The following EFL1 variants were observed in gnomAD, a reference collection of about 807,000 sequenced individuals.
EFL1 encodes the protein elongation factor-like GTPase 1.
A neutral mutation model predicts 126.7 loss-of-function variants in EFL1; 76 were observed. The observed-to-expected ratio is 0.60, with a 90% CI of 0.50 to 0.73. EFL1 has a LOEUF of 0.73. EFL1 is among the 30% of genes least tolerant of loss of function. The pLI is 0.00. For synonymous variants in EFL1, 410 were observed against 448.4 expected (o/e 0.91, Z 1.08); for missense variants, 1,128 against 1,343.2 (o/e 0.84, Z 2.50).
chr15:82,157,851 G>T lies in EFL1; in HGVS notation c.1892C>A (p.Pro631His). ...CAGTTTCATTCCTTTTACGAGCTGA[G>T]GCATTTCACCTAGGTTAACAAAACG... ...AVEPKHPSEM[P>H]QLVKGMKLLN... Residue 631 changes from proline to histidine, a missense_variant, in exon 17 of 20, where the codon CCT becomes CAT. Transcript: ENST00000268206. 6.2e-7 allele frequency: 1 copy of T among 1,612,520 alleles called. No individual in the cohort carries two copies. The highest frequency in any genetic ancestry group is 8.5e-7 in the Non-Finnish European group (1 of 1,179,078).
At chr15:82,181,356 CTA>C (rs2074249599) in intron 15 of EFL1, among the ~76,000 whole-genome samples, 1 of 152,160 alleles carries the variant, frequency 6.6e-6, no homozygotes, top group South Asian at 2.1e-4. Flanking sequence ...AACTTTGTGA[CTA>C]TACTTGACAT....
intron 3 of EFL1, among the ~76,000 whole-genome samples, chr15:82,254,774 T>C (rs556062967): frequency 9.6e-4 from 146 of 152,194 alleles, no homozygotes; most frequent in Non-Finnish European, 1.7e-3. Context: ...CATTCGTCCA[T>C]TGTAGAGAAT....
At chr15:82,161,554 T>C (rs143696537) in intron 16 of EFL1, among the ~76,000 whole-genome samples, 43 of 152,234 alleles carry the variant, frequency 2.8e-4, no homozygotes, top group African/African-American at 1.0e-3. Context: ...AGTAACACAG[T>C]CAATAAATGC....
At chr15:82,165,155 G>A (rs1426012667) in intron 15 of EFL1, among the ~76,000 whole-genome samples, 1 of 152,056 alleles carries the variant, frequency 6.6e-6, no homozygotes, top group African/African-American at 2.4e-5. Flanking sequence ...TATAGTCCCA[G>A]GTACTTGAGA....
intron 3 of EFL1, among the ~76,000 whole-genome samples, chr15:82,256,484 A>G (rs766430010): frequency 8.5e-5 from 13 of 152,160 alleles, no homozygotes; most frequent in Non-Finnish European, 1.6e-4. Flanking sequence ...TTATCACTGC[A>G]ACTAGAACCT....
At position 82,180,379 on chromosome 15, in the gene EFL1, A is replaced by C. The variant is rs1019077879; in HGVS notation, c.1751-16395T>G. ...ACTGGCAAAAAAAAAAAAACAAAAA[A>C]AAAACAAACAAAAAAAACCAGCCAA... On this transcript the variant is annotated intron_variant, in intron 15 of 19. Coordinates refer to ENST00000268206, the MANE Select transcript of EFL1 (RefSeq NM_024580.6). 3.1e-5 allele frequency among the ~76,000 whole-genome samples: 4 copies of C among 129,946 alleles called. 1 individual carries two copies. The highest frequency in any genetic ancestry group is 1.4e-4 in the African/African-American group (4 of 29,396). The allele number at this position is 129,946 out of a possible 152,430, so 85.2% of individuals were successfully genotyped here. A position where few individuals can be genotyped will look rare whatever the true frequency, so the allele number is the denominator to read the frequency against.
intron 15 of EFL1, among the ~76,000 whole-genome samples, chr15:82,210,505 G>A (rs1031702673): frequency 6.6e-6 from 1 of 152,162 alleles, no homozygotes; most frequent in African/African-American, 2.4e-5. Context: ...CATCAGCCCC[G>A]AGACATGTGC....
At chr15:82,233,552 G>T (rs1046510540) in intron 7 of EFL1, 2 of 152,144 alleles carry the variant, frequency 1.3e-5, no homozygotes, top group African/African-American at 4.8e-5. Context: ...ACAAAGACAA[G>T]TAAATCTATT....
At position 82,220,112 on chromosome 15, in the gene EFL1, G is replaced by A; in HGVS notation, c.1410C>T (p.Ala470=). 6.2e-7 allele frequency: 1 copy of A among 1,612,938 alleles called. No individual in the cohort carries two copies. Among genetic ancestry groups the A allele is most frequent in the East Asian group, 2.2e-5 (1 of 44,858 alleles). ...CCTCTCCTTTTGGACATGTTTCAAT[G>A]GCACTCCCATCTTGGGTGGGCTCCA... ...APLEPTQDGS[A]IETCPKGEEP... is the part of the protein sequence containing the mutation. The change falls in exon 13 of 20, where the codon GCC becomes GCT. Residue 470 remains alanine (A), a synonymous_variant. Coordinates refer to ENST00000268206, the MANE Select transcript of EFL1 (RefSeq NM_024580.6).
intron 3 of EFL1, among the ~76,000 whole-genome samples, chr15:82,255,536 T>C (rs1057107463): frequency 2.0e-5 from 3 of 152,238 alleles, no homozygotes; most frequent in Non-Finnish European, 2.9e-5. Context: ...TATAAAATTG[T>C]TTGCACATTT....
chr15:82,154,554 G>C (rs1387753525), intron 17 of EFL1, among the ~76,000 whole-genome samples: 4 of 152,218 alleles, frequency 2.6e-5, no homozygotes, highest in East Asian at 3.9e-4. Flanking sequence ...AAAATCTACT[G>C]ATCTATGATA....
At chr15:82,227,731 T>G (rs564390954) in intron 10 of EFL1, among the ~76,000 whole-genome samples, 159 bp from the exon 11 acceptor site, 1 of 152,298 alleles carries the variant, frequency 6.6e-6, no homozygotes, top group African/African-American at 2.4e-5. Context: ...TCTCAAAACA[T>G]GCATACAATT....
intron 15 of EFL1, among the ~76,000 whole-genome samples, chr15:82,172,362 A>C (rs1019212368): frequency 6.6e-6 from 1 of 152,218 alleles, no homozygotes; most frequent in African/African-American, 2.4e-5. Context: ...ACAATTGTGT[A>C]CCAACAGCAC....
At chr15:82,220,787 G>T (rs900731336) in intron 12 of EFL1, among the ~76,000 whole-genome samples, 2 of 152,022 alleles carry the variant, frequency 1.3e-5, no homozygotes, top group South Asian at 2.1e-4. Flanking sequence ...GAGAAGGGGT[G>T]GGGGAGGTAA....
rs191897774 is a variant in EFL1, at chr15:82,218,079, T to A, written c.1611+1573A>T. On this transcript the variant is annotated intron_variant, in intron 14 of 19. Transcript: ENST00000268206. Reference sequence around the variant, plus strand: ...CATCAGTCAGTCCTCCAGATGAGAATGCACCCTGGCCAACATTCTGATTGT... The same window carrying A: ...CATCAGTCAGTCCTCCAGATGAGAAAGCACCCTGGCCAACATTCTGATTGT... Among the ~76,000 whole-genome samples, 222 of 152,266 alleles carry A rather than the reference T, an allele frequency of 1.5e-3. 1 individual carries two copies. Among genetic ancestry groups the A allele is most frequent in the African/African-American group, 5.1e-3 (211 of 41,560 alleles).
intron 15 of EFL1, among the ~76,000 whole-genome samples, chr15:82,184,611 A>G (rs976976945): frequency 6.6e-6 from 1 of 152,212 alleles, no homozygotes; most frequent in Admixed American, 6.5e-5. Context: ...CATAGTCTAA[A>G]ATGAGATGAA....
intron 18 of EFL1, among the ~76,000 whole-genome samples, chr15:82,145,042 G>A (rs1000650839): frequency 1.3e-5 from 2 of 151,476 alleles, no homozygotes; most frequent in South Asian, 2.1e-4. Flanking sequence ...GGTGGCTCAC[G>A]TCTGTAATAC....
chr15:82,169,266 C>G (rs1173216505), intron 15 of EFL1, among the ~76,000 whole-genome samples: 2 of 152,006 alleles, frequency 1.3e-5, no homozygotes, highest in African/African-American at 2.4e-5. Flanking sequence ...GAGGATCTAC[C>G]CAAAAAGGAT....
At chr15:82,259,035 T>C (rs1172910149) in intron 3 of EFL1, 53 bp downstream of exon 3, 117 of 1,507,802 alleles carry the variant, frequency 7.8e-5, no homozygotes, top group Non-Finnish European at 1.1e-4. Flanking sequence ...GTTCATCACA[T>C]TGTTGATAGC....
Sources: gnomAD v4.1 joint callset for allele counts (sites outside exome capture counted in the v4.1 genomes callset) on GRCh38, gnomAD v4.1.1 for gene constraint, MANE v1.5 for transcripts, NCBI Gene and HGNC (gene_info 2026-07-23, HGNC 2026-07-21) for gene names.